GALNT18: variants seen among roughly 807,000 people sequenced by gnomAD.
The protein encoded by GALNT18 is polypeptide N-acetylgalactosaminyltransferase 18, also known as GalNAc-transferase 18.
In GALNT18, 44 loss-of-function variants were observed where a neutral mutation model predicts 69.5. The observed-to-expected ratio is 0.63, with a 90% CI of 0.50 to 0.81. The LOEUF is 0.81. Ranked by LOEUF, GALNT18 falls within the 40% of genes least tolerant of loss-of-function variation. GALNT18 has a pLI of 0.00. For missense variants in GALNT18, 715 were observed against 810.0 expected (o/e 0.88, Z 1.42); for synonymous variants, 364 against 318.2 (o/e 1.14, Z -1.53).
At chr11:11,281,053 TG>T (rs1301020477) in intron 10 of GALNT18, among the ~76,000 whole-genome samples, 1 of 152,156 alleles carries the variant, frequency 6.6e-6, no homozygotes, top group East Asian at 1.9e-4. Flanking sequence ...AACAGATCTG[TG>T]GCCAGTTCCC....
intron 1 of GALNT18, among the ~76,000 whole-genome samples, chr11:11,514,060 A>C (rs572757888): frequency 1.4e-4 from 21 of 152,314 alleles, no homozygotes; most frequent in Middle Eastern, 3.4e-3. Context: ...ATTACAGAGG[A>C]GGAGGCTGGA....
In GALNT18 at chr11:11,584,019, G is replaced by A. The variant is rs1223339609; in HGVS notation, c.235+37340C>T. On this transcript the variant is annotated intron_variant, in intron 1 of 10. Transcript: ENST00000227756. This position sits in a 1 kb window ranked among gnomAD's most constrained non-coding sequence, Gnocchi z 4.1. The stretch of plus-strand genomic sequence containing the variant: ...TGTGAGGACATAGGAATTCGAAAAG[G>A]AATGGCATCATGAGCTGGGCTGGCT... 6.6e-6 allele frequency among the ~76,000 whole-genome samples: 1 copy of A among 152,066 alleles called. No homozygotes were observed. Among genetic ancestry groups the A allele is most frequent in the African/African-American group, 2.4e-5 (1 of 41,382 alleles).
chr11:11,567,581 G>C (rs77761882), intron 1 of GALNT18, among the ~76,000 whole-genome samples: 1 of 152,170 alleles, frequency 6.6e-6, no homozygotes, highest in Non-Finnish European at 1.5e-5. Context: ...GTTCGTCAGC[G>C]GTGCTTCTTG....
At chr11:11,509,574 C>G (rs1223029808) in intron 1 of GALNT18, among the ~76,000 whole-genome samples, 3 of 152,218 alleles carry the variant, frequency 2.0e-5, no homozygotes, top group Admixed American at 6.5e-5. Flanking sequence ...AGTTACTGAA[C>G]AATGGAGAGA....
chr11:11,372,603 A>G lies in GALNT18; in HGVS notation c.1004T>C (p.Ile335Thr), dbSNP rs1211666167. ...IRSPALIGCFIVDRQYFQEIG... is the reference protein window; with the variant it reads ...IRSPALIGCFTVDRQYFQEIG... ...CTCCTGGAAGTACTGCCGGTCCACA[A>G]TGAAGCAGCCAATGAGGGCAGGGCT... Residue 335 changes from isoleucine to threonine, a missense_variant, in exon 6 of 11, where the codon ATT (isoleucine) becomes ACT (threonine). Physicochemically the swap from Ile to Thr is moderately conservative, Grantham distance 89. Transcript: ENST00000227756. The surrounding 1 kb of genome is among the most constrained non-coding windows in gnomAD (Gnocchi z 4.9). 4 of 1,614,046 alleles carry G rather than the reference A, an allele frequency of 2.5e-6. No homozygotes were observed. The highest frequency in any genetic ancestry group is 1.1e-5 in the South Asian group (1 of 91,084).
At chr11:11,425,328 G>A (rs6484898) in intron 3 of GALNT18, among the ~76,000 whole-genome samples, 48,281 of 152,146 alleles carry the variant, frequency 0.32, 8,783 homozygotes, top group East Asian at 0.53. Context: ...GCACATGAAG[G>A]GCTGGGAACC....
chr11:11,392,480 G>C (rs1301280828), intron 3 of GALNT18, among the ~76,000 whole-genome samples: 1 of 152,150 alleles, frequency 6.6e-6, no homozygotes, highest in Non-Finnish European at 1.5e-5. Flanking sequence ...CTAGCTGGGT[G>C]TGGTAGCGCA....
chr11:11,271,656 G>C (rs1346899702), intron 10 of GALNT18, among the ~76,000 whole-genome samples: 1 of 114,370 alleles, frequency 8.7e-6, no homozygotes, highest in Non-Finnish European at 1.9e-5. Flanking sequence ...ACCCATCATT[G>C]GCCTGCATTT....
At position 11,436,836 on chromosome 11, in the gene GALNT18, G is replaced by A. The variant is rs1053338389; in HGVS notation, c.429-4049C>T. Among the ~76,000 whole-genome samples, 10 of 152,176 alleles carry A rather than the reference G, an allele frequency of 6.6e-5. No homozygotes were observed. Among genetic ancestry groups the A allele is most frequent in the African/African-American group, 2.2e-4 (9 of 41,450 alleles). ...GTCCAAGTCACCTTGAAAAGAACAC[G>A]CCTCCAAGAGCTGCGTGGGAGAGGA... On this transcript the variant is annotated intron_variant, in intron 2 of 10. Transcript: ENST00000227756. This position sits in a 1 kb window ranked among gnomAD's most constrained non-coding sequence, Gnocchi z 4.5.
At chr11:11,474,418 C>G (rs573397778) in intron 1 of GALNT18, among the ~76,000 whole-genome samples, 6 of 152,150 alleles carry the variant, frequency 3.9e-5, no homozygotes, top group Non-Finnish European at 7.4e-5. Context: ...GACCTGTGAG[C>G]CTTTGTGAGG....
At chr11:11,453,272 C>G (rs114192874) in intron 1 of GALNT18, among the ~76,000 whole-genome samples, 2 of 152,160 alleles carry the variant, frequency 1.3e-5, no homozygotes, top group Non-Finnish European at 2.9e-5. Flanking sequence ...GATCAGAACC[C>G]TCCAAGGGCC....
Position 11,618,307 on chromosome 11 carries a change from G to A in GALNT18, c.235+3052C>T, listed in dbSNP as rs1048371099. Among the ~76,000 whole-genome samples the A allele has an allele frequency of 8.5e-5, 13 of 152,128 alleles. No homozygotes were observed. Among genetic ancestry groups the A allele is most frequent in the Admixed American group, 2.0e-4 (3 of 15,272 alleles). Reference sequence around the variant, plus strand: ...GGTAACACTTTCATTAATAACCAACGTGGCCATAGGCATCAGCACTCATCC... The same window carrying A: ...GGTAACACTTTCATTAATAACCAACATGGCCATAGGCATCAGCACTCATCC... On this transcript the variant is annotated intron_variant, in intron 1 of 10. Transcript: ENST00000227756. This position sits in a 1 kb window ranked among gnomAD's most constrained non-coding sequence, Gnocchi z 6.1.
intron 1 of GALNT18, among the ~76,000 whole-genome samples, chr11:11,611,898 A>G (rs1859913070): frequency 6.6e-6 from 1 of 152,080 alleles, no homozygotes; most frequent in Admixed American, 6.5e-5. Flanking sequence ...AGGGCCTTCT[A>G]CTGCTGCCCA....
At chr11:11,446,157 G>A (rs1355520111) in intron 2 of GALNT18, among the ~76,000 whole-genome samples, 1 of 152,108 alleles carries the variant, frequency 6.6e-6, no homozygotes, top group African/African-American at 2.4e-5. Context: ...CACTCTTTCC[G>A]CTCTTCAGTT....
chr11:11,437,920 G>A (rs1332924236), intron 2 of GALNT18, among the ~76,000 whole-genome samples: 1 of 152,150 alleles, frequency 6.6e-6, no homozygotes, highest in Non-Finnish European at 1.5e-5. Flanking sequence ...TGAGACGGTG[G>A]CACTCCAGGC....
intron 1 of GALNT18, among the ~76,000 whole-genome samples, chr11:11,455,683 T>A (rs1460382944): frequency 6.6e-6 from 1 of 152,184 alleles, no homozygotes; most frequent in Non-Finnish European, 1.5e-5. Flanking sequence ...AGAACCACAG[T>A]GAAGACTGCG....
intron 1 of GALNT18, among the ~76,000 whole-genome samples, chr11:11,565,282 G>A (rs1255518961): frequency 6.6e-6 from 1 of 152,204 alleles, no homozygotes; most frequent in Non-Finnish European, 1.5e-5. Context: ...CATAGGGGTG[G>A]CTGGGATCCC....
intron 1 of GALNT18, among the ~76,000 whole-genome samples, chr11:11,551,839 G>A (rs557993011): frequency 3.3e-5 from 5 of 152,276 alleles, no homozygotes; most frequent in African/African-American, 9.6e-5. Context: ...TGGGATAGGC[G>A]GTGGAGTTAG....
intron 2 of GALNT18, among the ~76,000 whole-genome samples, chr11:11,447,435 C>T (rs745617024): frequency 6.6e-5 from 10 of 152,228 alleles, no homozygotes; most frequent in Non-Finnish European, 1.3e-4. Flanking sequence ...TGTTTACTCT[C>T]TGCCTCCACC....
Sources: gnomAD v4.1 joint callset for allele counts (sites outside exome capture counted in the v4.1 genomes callset) on GRCh38, gnomAD v4.1.1 for gene constraint, Gnocchi (gnomAD v3.1) non-coding constraint, MANE v1.5 for transcripts, NCBI Gene and HGNC (gene_info 2026-07-23, HGNC 2026-07-21) for gene names.